GDI2: variants seen among roughly 807,000 people sequenced by gnomAD.
The protein encoded by GDI2 is GDP dissociation inhibitor 2.
GDI2 carries 22 observed loss-of-function variants against 54.2 expected under a neutral mutation model. The observed-to-expected ratio is 0.41, with a 90% CI of 0.29 to 0.58. GDI2 has a LOEUF of 0.58. GDI2 is among the 20% of genes least tolerant of loss of function. The pLI is 0.35. For missense variants in GDI2, 422 were observed against 546.0 expected (o/e 0.77, Z 2.26); for synonymous variants, 177 against 182.1 (o/e 0.97, Z 0.23).
At chr10:5,778,304 T>G (rs1266372789) in intron 6 of GDI2, among the ~76,000 whole-genome samples, 1 of 152,220 alleles carries the variant, frequency 6.6e-6, no homozygotes, top group Non-Finnish European at 1.5e-5. Flanking sequence ...AAAAGTATGT[T>G]ATGCATAATT....
chr10:5,794,191 AT>A (rs375557889), intron 4 of GDI2, among the ~76,000 whole-genome samples: 442 of 31,864 alleles, frequency 0.014, 3 homozygotes, highest in South Asian at 0.025. Context: ...AAAAAAAAAT[AT>A]ATATATATAT....
chr10:5,804,488 A>C (rs1841333795), intron 1 of GDI2, among the ~76,000 whole-genome samples: 1 of 152,152 alleles, frequency 6.6e-6, no homozygotes, highest in Admixed American at 6.5e-5. Context: ...ACCATCCCCC[A>C]GCACTCTCAT....
At chr10:5,786,197 GTC>G (rs1227441288) in intron 4 of GDI2, 147 bp from the exon 5 acceptor site, 4 of 564,676 alleles carry the variant, frequency 7.1e-6, no homozygotes, top group Admixed American at 7.2e-5. Flanking sequence ...TTGAGACAGA[GTC>G]TTGCTCTGTC....
intron 1 of GDI2, among the ~76,000 whole-genome samples, chr10:5,810,127 CCTT>C (rs1404406739): frequency 6.6e-6 from 1 of 152,154 alleles, no homozygotes; most frequent in Non-Finnish European, 1.5e-5. Flanking sequence ...AAGTATAAAA[CCTT>C]CTCTGAATCT....
chr10:5,793,865 G>T (rs1249349508), intron 4 of GDI2, among the ~76,000 whole-genome samples: 1 of 152,018 alleles, frequency 6.6e-6, no homozygotes, highest in East Asian at 1.9e-4. Context: ...GTTGGGCAGA[G>T]AATAAGATCA....
chr10:5,805,918 T>C (rs138637001), intron 1 of GDI2, among the ~76,000 whole-genome samples: 1 of 152,220 alleles, frequency 6.6e-6, no homozygotes, highest in African/African-American at 2.4e-5. Flanking sequence ...TGTAGACGAT[T>C]CCACTGAATG....
intron 6 of GDI2, among the ~76,000 whole-genome samples, chr10:5,779,818 G>A (rs929838154): frequency 1.3e-5 from 2 of 151,184 alleles, no homozygotes; most frequent in African/African-American, 2.4e-5. Context: ...TCAGCCTCCC[G>A]AATAGCTGGG....
At position 5,796,132 on chromosome 10, in the gene GDI2, T is replaced by C. The variant is rs150541913; in HGVS notation, c.253+631A>G. On this transcript the variant is annotated intron_variant, in intron 3 of 10. Coordinates refer to ENST00000380191, the MANE Select transcript of GDI2 (RefSeq NM_001494.4). ...TGGGAGGCTGAGGCGAGCAGGTCAC[T>C]TGATGTCAGGAGTTCAAGACCAGCC... Among the ~76,000 whole-genome samples the C allele has an allele frequency of 1.1e-3, 164 of 152,168 alleles. 3 individuals carry two copies. In the East Asian group the frequency reaches 0.022, roughly 21 times the overall value.
intron 6 of GDI2, among the ~76,000 whole-genome samples, chr10:5,775,316 A>G (rs1840594981): frequency 6.6e-6 from 1 of 152,168 alleles, no homozygotes; most frequent in Admixed American, 6.6e-5. Context: ...AGTGGGGGGA[A>G]AGGCAGCACT....
rs1012068468 is a variant in GDI2, at chr10:5,776,957, T to C, written c.720-3016A>G. 1.0e-4 allele frequency: 56 copies of C among 541,110 alleles called. 1 individual carries two copies. The highest frequency in any genetic ancestry group is 4.5e-5 in the Non-Finnish European group (14 of 310,002). The allele number at this position is 541,110 out of a possible 1,614,324, so 33.5% of individuals were successfully genotyped here. A position where few individuals can be genotyped will look rare whatever the true frequency, so the allele number is the denominator to read the frequency against. On this transcript the variant is annotated intron_variant, in intron 6 of 10. Coordinates refer to ENST00000380191, the MANE Select transcript of GDI2 (RefSeq NM_001494.4). This position sits in a 1 kb window ranked among gnomAD's most constrained non-coding sequence, Gnocchi z 5.3. The stretch of plus-strand genomic sequence containing the variant: ...AAGGGAAAACCACATAGAAGGGTAA[T>C]CCCGGAAATGCTTCATCTGGCAGAC...
chr10:5,772,099 T>A (rs1466573744), intron 7 of GDI2, among the ~76,000 whole-genome samples: 1 of 151,868 alleles, frequency 6.6e-6, no homozygotes, highest in Non-Finnish European at 1.5e-5. Flanking sequence ...ACACCATTTA[T>A]CTCTATCTCC....
At chr10:5,795,054 G>C in intron 3 of GDI2, 35 bp from the exon 4 acceptor site, 1 of 1,404,876 alleles carries the variant, frequency 7.1e-7, no homozygotes, top group South Asian at 1.2e-5. Flanking sequence ...TATAACTTAA[G>C]TCTATAAATT....
chr10:5,789,762 A>T (rs75634456), intron 4 of GDI2, among the ~76,000 whole-genome samples: 2,072 of 152,332 alleles, frequency 0.014, 29 homozygotes, highest in South Asian at 0.024. Flanking sequence ...ACTTAGGCAC[A>T]CAAACACAGA....
intron 3 of GDI2, among the ~76,000 whole-genome samples, chr10:5,795,500 TA>T (rs1841125363): frequency 6.6e-6 from 1 of 152,254 alleles, no homozygotes; most frequent in African/African-American, 2.4e-5. Context: ...ACGTTTTTGT[TA>T]TTTTTTATCT....
intron 1 of GDI2, among the ~76,000 whole-genome samples, chr10:5,810,145 T>C (rs148186386): frequency 9.8e-5 from 15 of 152,316 alleles, no homozygotes; most frequent in Admixed American, 9.2e-4. Flanking sequence ...GAATCTGAAA[T>C]CACAAAATTC....
At chr10:5,784,153 T>C (rs1056394838) in intron 6 of GDI2, among the ~76,000 whole-genome samples, 4 of 152,194 alleles carry the variant, frequency 2.6e-5, no homozygotes, top group African/African-American at 9.6e-5. Context: ...CTTTGTCAGA[T>C]TGGGCTAATT....
chr10:5,801,428 G>A (rs960927884), intron 1 of GDI2, among the ~76,000 whole-genome samples: 1 of 152,006 alleles, frequency 6.6e-6, no homozygotes, highest in African/African-American at 2.4e-5. Context: ...GTAATCCCCA[G>A]CACTTTGGGA....
intron 1 of GDI2, among the ~76,000 whole-genome samples, chr10:5,804,913 A>C (rs1329936947): frequency 6.6e-6 from 1 of 151,708 alleles, no homozygotes; most frequent in African/African-American, 2.4e-5. Flanking sequence ...AGCTCACCAC[A>C]ACCTCTGCCT....
chr10:5,784,920 T>C (rs1438746184), intron 6 of GDI2, among the ~76,000 whole-genome samples: 1 of 152,198 alleles, frequency 6.6e-6, no homozygotes, highest in African/African-American at 2.4e-5. Flanking sequence ...CAGCCAGGAG[T>C]TGGCACTTAC....
Sources: allele counts gnomAD v4.1 joint callset (sites outside exome capture counted in the v4.1 genomes callset), GRCh38; gene constraint gnomAD v4.1.1; non-coding constraint Gnocchi (gnomAD v3.1); transcripts MANE v1.5; gene names NCBI Gene and HGNC (gene_info 2026-07-23, HGNC 2026-07-21).